WIPI2: variants seen among roughly 807,000 people sequenced by gnomAD.
WIPI2 encodes WD repeat domain, phosphoinositide interacting 2.
Under a neutral mutation model 52.3 loss-of-function variants are expected in WIPI2, and 28 were observed. The ratio of observed to expected loss-of-function variants is 0.54; its 90% CI spans 0.40 to 0.73. WIPI2 has a LOEUF of 0.73. Ranked by LOEUF, WIPI2 falls within the 30% of genes least tolerant of loss-of-function variation. WIPI2 has a pLI of 0.00. For missense variants in WIPI2, 506 were observed against 602.9 expected (o/e 0.84, Z 1.68); for synonymous variants, 268 against 245.0 (o/e 1.09, Z -0.88).
chr7:5,193,971 G>A (rs1034982165), intron 2 of WIPI2, among the ~76,000 whole-genome samples: 6 of 152,186 alleles, frequency 3.9e-5, no homozygotes, highest in African/African-American at 1.2e-4. Flanking sequence ...GGGTGACTTA[G>A]GAGGATATCA....
chr7:5,198,890 C>CT (rs1326696713), intron 2 of WIPI2, among the ~76,000 whole-genome samples: 8 of 152,168 alleles, frequency 5.3e-5, no homozygotes, highest in African/African-American at 1.9e-4. Context: ...ATTAACATAT[C>CT]TATCACCTCA....
chr7:5,216,431 C>G lies in WIPI2; in HGVS notation c.382-132C>G, dbSNP rs1043219517. The G allele has an allele frequency of 5.6e-6, 4 of 717,628 alleles. No individual in the cohort carries two copies. In the African/African-American group the frequency reaches 7.1e-5, roughly 13 times the overall value. 44.5% of individuals were successfully genotyped at this position (717,628 alleles called of 1,614,324 possible). A position where few individuals can be genotyped will look rare whatever the true frequency, so the allele number is the denominator to read the frequency against. ...CGGGTGACACAGCGAGACACTGACT[C>G]CAAAAAAATAAAATACAATAACAAT... On this transcript the variant is annotated intron_variant, in intron 4 of 12. Transcript: ENST00000288828.
intron 3 of WIPI2, among the ~76,000 whole-genome samples, chr7:5,202,481 T>C (rs1381758403): frequency 6.6e-6 from 1 of 152,136 alleles, no homozygotes; most frequent in Non-Finnish European, 1.5e-5. Context: ...CCTCCTGGGC[T>C]CAAGCGATCC....
Position 5,214,677 on chromosome 7 carries a change from G to A in WIPI2, c.354G>A (p.Thr118=), listed in dbSNP as rs562107491. The A allele has an allele frequency of 2.7e-5, 43 of 1,614,182 alleles. No homozygotes were observed. In the East Asian group the frequency reaches 2.9e-4, roughly 11 times the overall value. ...TCTGCAACTACAGCTACTCCAACAC[G>A]ATTCTGGCTGTGAAGCTCAACAGGC... ...TEICNYSYSN[T]ILAVKLNRQR... is the part of the protein sequence containing the mutation. The change falls in exon 4 of 13, where the codon ACG becomes ACA. Residue 118 remains threonine, a synonymous_variant. Coordinates refer to ENST00000288828, the MANE Select transcript of WIPI2 (RefSeq NM_015610.4).
chr7:5,221,643 G>A (rs1036446941), intron 7 of WIPI2, among the ~76,000 whole-genome samples: 3 of 152,194 alleles, frequency 2.0e-5, no homozygotes, highest in African/African-American at 7.2e-5. Context: ...GTTCATGTCT[G>A]TCTCATCATC....
chr7:5,203,734 G>A (rs1308862261), intron 3 of WIPI2, among the ~76,000 whole-genome samples: 4 of 146,212 alleles, frequency 2.7e-5, no homozygotes, highest in Non-Finnish European at 4.5e-5. Context: ...CCGGATTCGC[G>A]CCATTCTCCT....
chr7:5,215,998 G>A (rs1190811076), intron 4 of WIPI2, among the ~76,000 whole-genome samples: 2 of 152,198 alleles, frequency 1.3e-5, no homozygotes, highest in Non-Finnish European at 2.9e-5. Context: ...CAGCACACTT[G>A]TCTTAGCTGT....
intron 11 of WIPI2, among the ~76,000 whole-genome samples, chr7:5,229,103 C>T (rs1271982777): frequency 1.3e-5 from 2 of 152,156 alleles, no homozygotes; most frequent in Admixed American, 6.5e-5. Flanking sequence ...GCAATCTCCG[C>T]CTCCCAGGTT....
intron 11 of WIPI2, chr7:5,229,311 G>A (rs536579096): frequency 9.5e-5 from 24 of 251,884 alleles, no homozygotes; most frequent in African/African-American, 3.6e-4. Context: ...CACTGCACCC[G>A]GGCTAGCCTG....
chr7:5,227,261 G>C lies in WIPI2; in HGVS notation c.930G>C (p.Val310=). The change falls in exon 10 of 13, where the codon GTG becomes GTC. Residue 310 remains valine (V), a synonymous_variant. Coordinates refer to ENST00000288828, the MANE Select transcript of WIPI2 (RefSeq NM_015610.4). The surrounding 1 kb of genome is among the most constrained non-coding windows in gnomAD (Gnocchi z 8.1). ...MASTSYLPSQ[V]TEMFNQGRAF... is the part of the protein sequence containing the mutation. ...CCACCAGCTACCTGCCTTCCCAAGT[G>C]ACAGAAATGTTCAACCAGGGCAGAG... 6.2e-7 allele frequency: 1 copy of C among 1,613,906 alleles called. No homozygotes were observed. Among genetic ancestry groups the C allele is most frequent in the Non-Finnish European group, 8.5e-7 (1 of 1,180,028 alleles).
intron 8 of WIPI2, among the ~76,000 whole-genome samples, chr7:5,224,335 A>T (rs1375099519): frequency 1.3e-5 from 2 of 152,032 alleles, no homozygotes; most frequent in Non-Finnish European, 2.9e-5. Context: ...CCCTTTCTCC[A>T]TGCGTCTCTA....
At chr7:5,193,057 T>C in intron 1 of WIPI2, 61 bp from the exon 2 acceptor site, 1 of 1,507,714 alleles carries the variant, frequency 6.6e-7, no homozygotes, top group South Asian at 1.1e-5. Flanking sequence ...CCTAAAAGTG[T>C]GCATAAGTTT....
intron 11 of WIPI2, among the ~76,000 whole-genome samples, chr7:5,228,944 C>T (rs1783580962): frequency 6.6e-6 from 1 of 152,056 alleles, no homozygotes; most frequent in African/African-American, 2.4e-5. Context: ...TCTGGAACTC[C>T]TAGGCTCAAG....
chr7:5,217,683 G>A (rs1480457308), intron 6 of WIPI2: 16 of 520,142 alleles, frequency 3.1e-5, no homozygotes, highest in Non-Finnish European at 4.9e-5. Context: ...TGAGCTCCTC[G>A]CCACGGGAAT....
chr7:5,203,900 G>A (rs1359617756), intron 3 of WIPI2, among the ~76,000 whole-genome samples: 1 of 152,152 alleles, frequency 6.6e-6, no homozygotes, highest in Non-Finnish European at 1.5e-5. Context: ...TGGGATTATA[G>A]GCGTGAGCCA....
At chr7:5,229,914 A>C (rs1037626119) in intron 12 of WIPI2, among the ~76,000 whole-genome samples, 176 bp downstream of exon 12, 1 of 149,322 alleles carries the variant, frequency 6.7e-6, no homozygotes, top group Non-Finnish European at 1.5e-5. Context: ...TCAAGGCTGA[A>C]TTCAGTTTCG....
intron 4 of WIPI2, 116 bp from the exon 5 acceptor site, chr7:5,216,447 C>T: frequency 1.2e-6 from 1 of 809,448 alleles, no homozygotes; most frequent in Non-Finnish European, 2.0e-6. Context: ...AAATAAAATA[C>T]AATAACAATA....
At chr7:5,199,987 AG>A (rs1781945289) in intron 3 of WIPI2, among the ~76,000 whole-genome samples, 1 of 152,240 alleles carries the variant, frequency 6.6e-6, no homozygotes, top group Non-Finnish European at 1.5e-5. Context: ...ACTGTCATAA[AG>A]GGCTTCCAGA....
At chr7:5,198,482 T>A (rs1041601228) in intron 2 of WIPI2, among the ~76,000 whole-genome samples, 1 of 152,070 alleles carries the variant, frequency 6.6e-6, no homozygotes, top group Non-Finnish European at 1.5e-5. Context: ...CCTGACTGAT[T>A]TTTGTATTTT....
Sources: gnomAD v4.1 joint callset for allele counts (sites outside exome capture counted in the v4.1 genomes callset) on GRCh38, gnomAD v4.1.1 for gene constraint, Gnocchi (gnomAD v3.1) non-coding constraint, MANE v1.5 for transcripts, NCBI Gene and HGNC (gene_info 2026-07-23, HGNC 2026-07-21) for gene names.